KALRN: variants seen among roughly 807,000 people sequenced by gnomAD.
KALRN encodes the protein kalirin.
KALRN carries 70 observed loss-of-function variants against 353.7 expected under a neutral mutation model. That is an observed-to-expected ratio of 0.20 (90% CI 0.16 to 0.24). The LOEUF is 0.24. Among genes scored for constraint, KALRN ranks in the 10% least tolerant of loss-of-function variants. The pLI, the probability that KALRN is intolerant of heterozygous loss-of-function variation, is 1.00. For synonymous variants in KALRN, 1,391 were observed against 1,434.8 expected (o/e 0.97, Z 0.69); for missense variants, 2,791 against 3,756.7 (o/e 0.74, Z 6.72).
intron 10 of KALRN, among the ~76,000 whole-genome samples, chr3:124,358,679 C>T (rs2083684415): frequency 6.6e-6 from 1 of 152,132 alleles, no homozygotes; most frequent in Non-Finnish European, 1.5e-5. Flanking sequence ...GTGTGCTGGA[C>T]ACTGTTTGAA....
At chr3:124,078,170 G>A (rs757996338) in intron 1 of KALRN, among the ~76,000 whole-genome samples, 1 of 152,016 alleles carries the variant, frequency 6.6e-6, no homozygotes, top group Non-Finnish European at 1.5e-5. Context: ...TCATCTTTTT[G>A]TGGTGCTCCT....
At chr3:124,077,932 C>T (rs1297442815) in intron 1 of KALRN, among the ~76,000 whole-genome samples, 2 of 152,178 alleles carry the variant, frequency 1.3e-5, no homozygotes, top group Non-Finnish European at 2.9e-5. Context: ...CTTCTGTGGA[C>T]CCGTTTGCTT....
Position 124,719,368 on chromosome 3 carries a change from C to T in KALRN, c.8859C>T (p.Ser2953=), listed in dbSNP as rs2063303413. The T allele has an allele frequency of 6.2e-7, 1 of 1,614,086 alleles. No individual in the cohort carries two copies. Among genetic ancestry groups the T allele is most frequent in the Non-Finnish European group, 8.5e-7 (1 of 1,180,038 alleles). ...ACTCTAAGATCCCCCTGGACACCTC[C>T]CGCCTAGCATGCTTCATAGAACGTC... ...GSYSKIPLDT[S]RLACFIERRK... Residue 2953 remains serine, a synonymous_variant, in exon 60 of 60, where the codon TCC becomes TCT. Transcript: ENST00000682506. The surrounding 1 kb of genome is among the most constrained non-coding windows in gnomAD (Gnocchi z 5.3).
intron 1 of KALRN, among the ~76,000 whole-genome samples, chr3:124,213,923 G>A (rs1013334834): frequency 5.3e-5 from 8 of 152,080 alleles, no homozygotes; most frequent in African/African-American, 1.9e-4. Flanking sequence ...AATGCTATTT[G>A]ACTTGTTATC....
At chr3:124,456,456 G>A (rs767945647) in intron 22 of KALRN, among the ~76,000 whole-genome samples, 154 bp from the exon 23 acceptor site, 1 of 152,134 alleles carries the variant, frequency 6.6e-6, no homozygotes, top group Non-Finnish European at 1.5e-5. Context: ...ATACCATGAA[G>A]AAGAGTGCTT....
intron 10 of KALRN, among the ~76,000 whole-genome samples, chr3:124,349,225 C>CA (rs1560639076): frequency 2.0e-5 from 3 of 152,050 alleles, no homozygotes; most frequent in Non-Finnish European, 4.4e-5. Context: ...AAGCCAGTCA[C>CA]AAAAAGGACA....
chr3:124,094,167 A>G (rs1044838009), intron 1 of KALRN: 5 of 153,294 alleles, frequency 3.3e-5, no homozygotes, highest in African/African-American at 1.2e-4. Flanking sequence ...TTAAGTGGCA[A>G]CCAGGATTTG....
At chr3:124,263,397 A>AT (rs1346290328) in intron 3 of KALRN, among the ~76,000 whole-genome samples, 3 of 152,124 alleles carry the variant, frequency 2.0e-5, no homozygotes, top group Non-Finnish European at 4.4e-5. Context: ...CAGCGATCTG[A>AT]TTTTTTAAGC....
chr3:124,637,023 T>C, intron 36 of KALRN, 185 bp from the exon 37 acceptor site: 1 of 592,794 alleles, frequency 1.7e-6, no homozygotes, highest in Non-Finnish European at 3.1e-6. Flanking sequence ...GAATTCCTAA[T>C]AAGGGGTTGG....
intron 23 of KALRN, among the ~76,000 whole-genome samples, chr3:124,461,651 C>T (rs1310494007): frequency 6.6e-6 from 1 of 151,902 alleles, no homozygotes; most frequent in Non-Finnish European, 1.5e-5. Flanking sequence ...GAATATGGAC[C>T]TAGCTGAGCA....
chr3:124,401,838 T>C (rs1350909717), intron 13 of KALRN, among the ~76,000 whole-genome samples: 1 of 152,120 alleles, frequency 6.6e-6, no homozygotes, highest in African/African-American at 2.4e-5. Flanking sequence ...TTGTCAGAAG[T>C]TATTTTTGAG....
chr3:124,190,316 A>G (rs1023147413), intron 1 of KALRN, among the ~76,000 whole-genome samples: 2 of 152,068 alleles, frequency 1.3e-5, no homozygotes, highest in Non-Finnish European at 2.9e-5. Context: ...TCCCCAGTGG[A>G]GTTATATGTC....
At chr3:124,212,147 C>T (rs934992605) in intron 1 of KALRN, among the ~76,000 whole-genome samples, 1 of 151,916 alleles carries the variant, frequency 6.6e-6, no homozygotes, top group Non-Finnish European at 1.5e-5. Flanking sequence ...ATTTTTTTCA[C>T]ATGGTCTTTA....
chr3:124,072,354 C>G (rs7640139), intron 1 of KALRN, among the ~76,000 whole-genome samples: 1 of 152,158 alleles, frequency 6.6e-6, no homozygotes, highest in African/African-American at 2.4e-5. Context: ...CAACCAACAC[C>G]TGAAAGTGGT....
chr3:124,618,410 C>T (rs1041946858), intron 34 of KALRN, among the ~76,000 whole-genome samples: 3 of 152,086 alleles, frequency 2.0e-5, no homozygotes, highest in African/African-American at 7.2e-5. Context: ...CCACCGCGCC[C>T]AGCCATGCAG....
chr3:124,664,340 T>A (rs2085275403), intron 45 of KALRN, among the ~76,000 whole-genome samples: 1 of 98,254 alleles, frequency 1.0e-5, no homozygotes, highest in South Asian at 2.8e-4. Context: ...TGTGAGTGTG[T>A]GTGTGTGTGT....
At chr3:124,572,494 G>C (rs886097590) in intron 34 of KALRN, among the ~76,000 whole-genome samples, 1 of 152,060 alleles carries the variant, frequency 6.6e-6, no homozygotes, top group Non-Finnish European at 1.5e-5. Flanking sequence ...AATCAGATGG[G>C]GTGGGAAGAA....
intron 6 of KALRN, among the ~76,000 whole-genome samples, chr3:124,312,020 A>G (rs1046408093): frequency 1.3e-5 from 2 of 152,254 alleles, no homozygotes; most frequent in Non-Finnish European, 2.9e-5. Flanking sequence ...AGAGAGTTAT[A>G]TCTAATAGGT....
intron 33 of KALRN, among the ~76,000 whole-genome samples, chr3:124,511,288 C>T (rs779141707): frequency 4.1e-4 from 62 of 152,292 alleles, no homozygotes; most frequent in Admixed American, 7.8e-4. Flanking sequence ...GATCCAGCAC[C>T]GTATTTCCAA....
Sources: gnomAD v4.1 joint callset for allele counts (sites outside exome capture counted in the v4.1 genomes callset) on GRCh38, gnomAD v4.1.1 for gene constraint, Gnocchi (gnomAD v3.1) non-coding constraint, MANE v1.5 for transcripts, NCBI Gene and HGNC (gene_info 2026-07-23, HGNC 2026-07-21) for gene names.